The following ENPEP variants were observed in gnomAD, a reference collection of about 807,000 sequenced individuals.
ENPEP encodes glutamyl aminopeptidase.
In ENPEP, 103 loss-of-function variants were observed where a neutral mutation model predicts 114.5. That is an observed-to-expected ratio of 0.90 (90% confidence interval 0.77 to 1.06). ENPEP has a LOEUF of 1.06. Ranked by LOEUF, ENPEP falls within the 50% of genes least tolerant of loss-of-function variation. The pLI, the probability that ENPEP is intolerant of heterozygous loss-of-function variation, is 0.00. For missense variants in ENPEP, 1,196 were observed against 1,161.3 expected, an observed-to-expected ratio of 1.03 and a Z score of -0.43; for synonymous variants, 420 against 422.0, an observed-to-expected ratio of 1.00 and a Z score of 0.06.
chr4:110,518,669 CA>C (rs1725870506), intron 8 of ENPEP, among the ~76,000 whole-genome samples: 1 of 152,174 alleles, frequency 6.6e-6, no homozygotes, highest in Admixed American at 6.5e-5. Flanking sequence ...CACACTGATC[CA>C]GGGTTCAGAA....
intron 1 of ENPEP, 47 bp from the exon 2 acceptor site, chr4:110,488,494 C>T (rs1255276558): frequency 5.8e-6 from 9 of 1,538,910 alleles, no homozygotes; most frequent in South Asian, 1.2e-5. Context: ...TAGGGGTTGT[C>T]AGAAGAGGCA....
rs149556557 is a variant in ENPEP at position 110,514,773 on chromosome 4, C to T, written c.1444-604C>T. 5.5e-3 allele frequency among the ~76,000 whole-genome samples: 833 copies of T among 152,096 alleles called. 5 individuals are homozygous for T. Among genetic ancestry groups the T allele is most frequent in the African/African-American group, 0.019 (784 of 41,538 alleles). ...ATATTACAAATTGTGCATTTCAGTA[C>T]TAACCTTATAACACATAAAAAGAAA... On this transcript the variant is annotated intron_variant, in intron 7 of 19. Coordinates refer to ENST00000265162, the MANE Select transcript of ENPEP (RefSeq NM_001977.4).
At chr4:110,510,624 A>C (rs925639715) in intron 6 of ENPEP, among the ~76,000 whole-genome samples, 28 of 152,082 alleles carry the variant, frequency 1.8e-4, no homozygotes, top group Non-Finnish European at 3.2e-4. Flanking sequence ...AAAAAAAAAA[A>C]AACAGGTGGC....
intron 10 of ENPEP, among the ~76,000 whole-genome samples, chr4:110,521,196 G>A (rs1179509095): frequency 1.3e-5 from 2 of 151,998 alleles, no homozygotes; most frequent in African/African-American, 4.8e-5. Context: ...ACAAGAGCCT[G>A]TCTCTACAAA....
At chr4:110,500,536 T>A (rs1182939402) in intron 3 of ENPEP, among the ~76,000 whole-genome samples, 2 of 152,212 alleles carry the variant, frequency 1.3e-5, no homozygotes, top group African/African-American at 4.8e-5. Context: ...ATAAACTTCA[T>A]ATTTATGTTT....
At chr4:110,492,741 C>T (rs925199182) in intron 3 of ENPEP, among the ~76,000 whole-genome samples, 6 of 152,160 alleles carry the variant, frequency 3.9e-5, no homozygotes, top group Non-Finnish European at 7.4e-5. Context: ...GTGCTGAGTG[C>T]AGTCGATGGC....
At chr4:110,557,793 G>A (rs1041486148) in intron 18 of ENPEP, among the ~76,000 whole-genome samples, 12 of 152,120 alleles carry the variant, frequency 7.9e-5, no homozygotes, top group East Asian at 1.9e-4. Context: ...ATTCAGTGGC[G>A]TCTGTGATAA....
chr4:110,476,461 CG>C lies in ENPEP; in HGVS notation c.48del (p.Lys17AsnfsTer13), dbSNP rs763338093. 55 of 1,549,076 alleles carry C rather than the reference CG, an allele frequency of 3.6e-5. No homozygotes were observed. The highest frequency in any genetic ancestry group is 5.7e-5 in the Admixed American group (3 of 52,706). On this transcript the variant is annotated frameshift_variant, in exon 1 of 20. Transcript: ENST00000265162. LOFTEE classifies it high-confidence loss of function. ...REGSKRYCIQ[T>X]KHVAILCAVV... Reference sequence around the variant, plus strand: ...GGCTCTAAGAGATACTGCATTCAAACGAAACATGTGGCCATTCTCTGTGCGG... The same window carrying C: ...GGCTCTAAGAGATACTGCATTCAAACAAACATGTGGCCATTCTCTGTGCGG...
chr4:110,526,093 T>C (rs2110368915), intron 10 of ENPEP, among the ~76,000 whole-genome samples: 1 of 152,078 alleles, frequency 6.6e-6, no homozygotes, highest in African/African-American at 2.4e-5. Context: ...CTGGCCAACA[T>C]GATGAAACCC....
chr4:110,479,094 T>A (rs1217166816), intron 1 of ENPEP, among the ~76,000 whole-genome samples: 1 of 152,238 alleles, frequency 6.6e-6, no homozygotes, highest in Non-Finnish European at 1.5e-5. Flanking sequence ...TACCCAAGTA[T>A]AGCCATTGTT....
At chr4:110,518,808 C>G (rs928556551) in intron 8 of ENPEP, among the ~76,000 whole-genome samples, 5 of 152,094 alleles carry the variant, frequency 3.3e-5, no homozygotes, top group African/African-American at 1.2e-4. Context: ...CCTTCCAGTT[C>G]CACGATTGCA....
intron 1 of ENPEP, 116 bp downstream of exon 1, chr4:110,477,174 T>C: frequency 7.3e-7 from 1 of 1,366,508 alleles, no homozygotes; most frequent in Non-Finnish European, 9.8e-7. Context: ...ATTGATCGGC[T>C]CTTGGTTTCA....
intron 18 of ENPEP, among the ~76,000 whole-genome samples, chr4:110,556,022 T>C (rs1300287086): frequency 1.3e-5 from 2 of 152,090 alleles, no homozygotes; most frequent in African/African-American, 4.8e-5. Flanking sequence ...GCATATTCAT[T>C]GCTAGTTTCT....
intron 11 of ENPEP, among the ~76,000 whole-genome samples, chr4:110,536,546 A>C (rs1374506446): frequency 6.6e-6 from 1 of 152,216 alleles, no homozygotes; most frequent in Non-Finnish European, 1.5e-5. Context: ...AACATAGTCC[A>C]ATTCTGTACC....
chr4:110,535,037 T>C (rs1224022435), intron 11 of ENPEP, among the ~76,000 whole-genome samples: 1 of 152,216 alleles, frequency 6.6e-6, no homozygotes, highest in African/African-American at 2.4e-5. Flanking sequence ...ATTTTGGCTA[T>C]TGTTAATGCA....
chr4:110,508,858 TC>T (rs1725472275), intron 4 of ENPEP, among the ~76,000 whole-genome samples: 1 of 152,228 alleles, frequency 6.6e-6, no homozygotes, highest in African/African-American at 2.4e-5. Context: ...AAGGGCCTTC[TC>T]TTATATGTTA....
At chr4:110,506,396 C>G (rs1249576065) in intron 3 of ENPEP, 7 of 393,404 alleles carry the variant, frequency 1.8e-5, no homozygotes. Context: ...TATTTCTAGT[C>G]ATTAAAATCA....
chr4:110,536,938 C>G (rs1020309752), intron 11 of ENPEP, among the ~76,000 whole-genome samples: 12 of 152,114 alleles, frequency 7.9e-5, no homozygotes, highest in African/African-American at 2.9e-4. Context: ...TTTTGGTTTC[C>G]CAGTGCATAT....
chr4:110,548,242 T>A lies in ENPEP; in HGVS notation c.2067T>A (p.Phe689Leu). ...AGTATCTCAAAAGGGAAGAGAATTTTTTACCATGGCAGAGAGTAATTTCAG... is the reference window on the plus strand; with the variant it reads ...AGTATCTCAAAAGGGAAGAGAATTTATTACCATGGCAGAGAGTAATTTCAG... ...LTKYLKREENFLPWQRVISAV... is the reference protein window; with the variant it reads ...LTKYLKREENLLPWQRVISAV... Residue 689 changes from phenylalanine (F) to leucine (L), a missense_variant, in exon 14 of 20, where the codon TTT (phenylalanine) becomes TTA (leucine). Transcript: ENST00000265162. 3.1e-6 allele frequency: 5 copies of A among 1,605,894 alleles called. No individual in the cohort carries two copies. Among genetic ancestry groups the A allele is most frequent in the Non-Finnish European group, 3.4e-6 (4 of 1,176,258 alleles).
Sources: gnomAD v4.1 joint callset for allele counts (sites outside exome capture counted in the v4.1 genomes callset) on GRCh38, gnomAD v4.1.1 for gene constraint, MANE v1.5 for transcripts, NCBI Gene and HGNC (gene_info 2026-07-23, HGNC 2026-07-21) for gene names.